SIL1: variants seen among roughly 807,000 people sequenced by gnomAD.
The protein encoded by SIL1 is SIL1 nucleotide exchange factor.
In SIL1, 40 loss-of-function variants were observed where a neutral mutation model predicts 49.1. The ratio of observed to expected loss-of-function variants is 0.81; its 90% CI spans 0.63 to 1.06. The LOEUF (loss-of-function observed/expected upper bound fraction) is 1.06. Ranked by LOEUF, SIL1 falls within the 50% of genes least tolerant of loss-of-function variation. SIL1 has a pLI of 0.00. For missense variants in SIL1, 500 were observed against 572.6 expected (o/e 0.87, Z 1.29); for synonymous variants, 253 against 250.8 (o/e 1.01, Z -0.08).
intron 6 of SIL1, among the ~76,000 whole-genome samples, chr5:139,024,742 G>A (rs1768606408): frequency 6.6e-6 from 1 of 152,206 alleles, no homozygotes. Context: ...CACAGTAGCT[G>A]GAGGAATCCT....
intron 3 of SIL1, among the ~76,000 whole-genome samples, chr5:139,115,471 G>GC (rs1770966745): frequency 6.6e-6 from 1 of 152,158 alleles, no homozygotes; most frequent in South Asian, 2.1e-4. Flanking sequence ...GGAACTTTCA[G>GC]CCCCAGCCCC....
intron 7 of SIL1, 155 bp downstream of exon 7, chr5:139,021,016 A>G (rs995309941): frequency 6.7e-6 from 7 of 1,048,562 alleles, no homozygotes; most frequent in African/African-American, 4.7e-5. Context: ...AAAAATTCCT[A>G]TCTACTTGGA....
intron 7 of SIL1, among the ~76,000 whole-genome samples, chr5:138,983,206 A>T: frequency 6.9e-6 from 1 of 144,450 alleles, no homozygotes; most frequent in Non-Finnish European, 1.5e-5. Flanking sequence ...CTCAAAAAAA[A>T]AAAAAAAAAA....
chr5:139,020,895 A>G (rs1768508686), intron 7 of SIL1, among the ~76,000 whole-genome samples: 1 of 152,208 alleles, frequency 6.6e-6, no homozygotes, highest in Non-Finnish European at 1.5e-5. Context: ...TAGTTGGTCT[A>G]ACTTTTTACA....
chr5:138,950,954 C>T lies in SIL1; in HGVS notation c.1029+217G>A, dbSNP rs1365574733. On this transcript the variant is annotated intron_variant, in intron 9 of 9. Coordinates refer to ENST00000394817, the MANE Select transcript of SIL1 (RefSeq NM_022464.5). ...CCATGGCTGGCAGGGCCACCTCCCA[C>T]TCCTCATCAGCCCTCAGGTTTCAGC... is the stretch of plus-strand genomic sequence containing the variant. Among the ~76,000 whole-genome samples, 3 of 152,198 alleles carry T rather than the reference C, an allele frequency of 2.0e-5. No individual in the cohort carries two copies. The East Asian group carries it at 5.8e-4, about 29-fold the overall frequency.
At chr5:139,112,336 C>T (rs370103258) in intron 3 of SIL1, among the ~76,000 whole-genome samples, 3 of 151,902 alleles carry the variant, frequency 2.0e-5, no homozygotes, top group African/African-American at 7.3e-5. Context: ...CCCCTCTGCC[C>T]GGCTGCCCAG....
chr5:139,061,787 TA>T (rs1769595030), intron 3 of SIL1, among the ~76,000 whole-genome samples: 1 of 151,994 alleles, frequency 6.6e-6, no homozygotes, highest in Non-Finnish European at 1.5e-5. Flanking sequence ...GTGTTAAGAG[TA>T]AAAACTCCCG....
intron 7 of SIL1, among the ~76,000 whole-genome samples, chr5:139,019,038 C>T (rs1768461615): frequency 1.3e-5 from 2 of 152,284 alleles, no homozygotes; most frequent in South Asian, 2.1e-4. Flanking sequence ...AGTATTCATG[C>T]CCATCAGCAG....
intron 1 of SIL1, among the ~76,000 whole-genome samples, chr5:139,150,937 A>T (rs1430934815): frequency 6.6e-6 from 1 of 152,218 alleles, no homozygotes; most frequent in Admixed American, 6.5e-5. Flanking sequence ...CCTGAGTTGA[A>T]GAGGCTTCAT....
chr5:138,995,689 T>A (rs1181912925), intron 7 of SIL1, among the ~76,000 whole-genome samples: 4 of 152,214 alleles, frequency 2.6e-5, no homozygotes, highest in Non-Finnish European at 4.4e-5. Flanking sequence ...TTTGTAACTA[T>A]TAACCAACCT....
In SIL1 at chr5:139,098,302, A is replaced by G. The variant is rs541119481; in HGVS notation, c.244+22733T>C. The stretch of plus-strand genomic sequence containing the variant: ...GAAACAAATGCACATACCTACAGTA[A>G]ACTCATTTTTGACAAAGGTGCCAAG... On this transcript the variant is annotated intron_variant, in intron 3 of 9. Coordinates refer to ENST00000394817, the MANE Select transcript of SIL1 (RefSeq NM_022464.5). Among the ~76,000 whole-genome samples the G allele has an allele frequency of 2.0e-5, 3 of 152,332 alleles. No individual in the cohort carries two copies. The East Asian group carries it at 5.8e-4, about 29-fold the overall frequency.
chr5:139,136,235 T>C (rs1045843199), intron 1 of SIL1, among the ~76,000 whole-genome samples: 1 of 152,126 alleles, frequency 6.6e-6, no homozygotes, highest in African/African-American at 2.4e-5. Flanking sequence ...CCAGAAGACA[T>C]GGCAGGCACT....
chr5:139,170,833 GC>G (rs1229400675), intron 1 of SIL1, among the ~76,000 whole-genome samples: 2 of 148,660 alleles, frequency 1.3e-5, no homozygotes, highest in Non-Finnish European at 3.0e-5. Context: ...GGGGGGGTCA[GC>G]CCCCCGCCCG....
chr5:138,973,888 AT>A (rs1013868897), intron 7 of SIL1, among the ~76,000 whole-genome samples: 2 of 152,144 alleles, frequency 1.3e-5, no homozygotes, highest in Non-Finnish European at 2.9e-5. Flanking sequence ...CCCGGCCCAG[AT>A]TTTTATATCA....
intron 7 of SIL1, among the ~76,000 whole-genome samples, chr5:138,955,009 TG>T (rs1474072051): frequency 6.6e-6 from 1 of 152,206 alleles, no homozygotes; most frequent in East Asian, 1.9e-4. Flanking sequence ...CAGCTTTATT[TG>T]GCCTGGATGC....
chr5:138,954,593 G>C (rs1344043780), intron 7 of SIL1, among the ~76,000 whole-genome samples: 2 of 152,268 alleles, frequency 1.3e-5, no homozygotes, highest in East Asian at 1.9e-4. Context: ...CTGCTCCTCA[G>C]TCCATCCAGG....
chr5:139,090,853 A>G (rs1770328153), intron 3 of SIL1, among the ~76,000 whole-genome samples: 1 of 151,998 alleles, frequency 6.6e-6, no homozygotes, highest in African/African-American at 2.4e-5. Flanking sequence ...CCATCTGCCC[A>G]CCTCAGCCTC....
At chr5:139,066,276 C>A (rs1257990236) in intron 3 of SIL1, among the ~76,000 whole-genome samples, 1 of 152,202 alleles carries the variant, frequency 6.6e-6, no homozygotes, top group Non-Finnish European at 1.5e-5. Context: ...TCCACAGCTA[C>A]CCCACGCTCT....
intron 4 of SIL1, among the ~76,000 whole-genome samples, chr5:139,047,289 G>A (rs1769187488): frequency 6.6e-6 from 1 of 152,204 alleles, no homozygotes; most frequent in Admixed American, 6.5e-5. Flanking sequence ...TAAATAGCAA[G>A]TGGAAACCTG....
Sources: gnomAD v4.1 joint callset for allele counts (sites outside exome capture counted in the v4.1 genomes callset) on GRCh38, gnomAD v4.1.1 for gene constraint, MANE v1.5 for transcripts, NCBI Gene and HGNC (gene_info 2026-07-23, HGNC 2026-07-21) for gene names.